PARD3B: variants seen among roughly 807,000 people sequenced by gnomAD.
PARD3B encodes the protein par-3 family cell polarity regulator beta, also known as partitioning defective 3 homolog B.
In PARD3B, 103 loss-of-function variants were observed where a neutral mutation model predicts 130.2. The observed-to-expected ratio is 0.79, with a 90% CI of 0.67 to 0.93. The LOEUF (loss-of-function observed/expected upper bound fraction) is 0.93. Ranked by LOEUF, PARD3B falls within the 40% of genes least tolerant of loss-of-function variation. PARD3B has a pLI of 0.00. For missense variants in PARD3B, 1,609 were observed against 1,499.2 expected, an observed-to-expected ratio of 1.07 and a Z score of -1.21; for synonymous variants, 583 against 553.2, an observed-to-expected ratio of 1.05 and a Z score of -0.76.
intron 22 of PARD3B, among the ~76,000 whole-genome samples, chr2:205,567,027 C>T (rs1032873186): frequency 2.6e-5 from 4 of 152,152 alleles, no homozygotes; most frequent in African/African-American, 9.7e-5. Context: ...TAAGAAGAAA[C>T]GGTGGAAACT....
intron 2 of PARD3B, among the ~76,000 whole-genome samples, chr2:204,796,992 T>C (rs1056588076): frequency 4.0e-4 from 60 of 151,888 alleles, no homozygotes; most frequent in African/African-American, 1.3e-3. Flanking sequence ...CTGGCCAATA[T>C]GGTGAAACCT....
intron 2 of PARD3B, among the ~76,000 whole-genome samples, chr2:204,908,200 G>A (rs1013452933): frequency 4.6e-5 from 7 of 152,028 alleles, no homozygotes; most frequent in African/African-American, 1.2e-4. Context: ...GATAATGAAG[G>A]AAATAGTAAG....
intron 4 of PARD3B, among the ~76,000 whole-genome samples, chr2:205,072,370 C>T (rs566628740): frequency 1.3e-5 from 2 of 152,084 alleles, no homozygotes; most frequent in Admixed American, 1.3e-4. Flanking sequence ...CCTGCCTCAG[C>T]CTCCCAAGTA....
chr2:205,331,613 C>G (rs2043132505), intron 18 of PARD3B, among the ~76,000 whole-genome samples: 1 of 151,622 alleles, frequency 6.6e-6, no homozygotes, highest in Admixed American at 6.6e-5. Flanking sequence ...AAAACCCCAT[C>G]TCTACTAAAA....
At chr2:204,699,787 A>G (rs2037803991) in intron 2 of PARD3B, among the ~76,000 whole-genome samples, 1 of 152,156 alleles carries the variant, frequency 6.6e-6, no homozygotes, top group Non-Finnish European at 1.5e-5. Context: ...CCAAATGGAA[A>G]TAAGGAAGTT....
rs750550877 is a variant in PARD3B at position 204,568,955 on chromosome 2, G to GA, written c.120+22851dup. 5.9e-3 allele frequency among the ~76,000 whole-genome samples: 729 copies of GA among 123,906 alleles called. 1 individual carries two copies. The highest frequency in any genetic ancestry group is 0.013 in the Middle Eastern group (3 of 226). The allele number at this position is 123,906 out of a possible 152,430, so 81.3% of individuals were successfully genotyped here. ...GGGTGACAGAGTGAGACTGTCTCAG[G>GA]AAAAAAAAAAAAAAATTGCAGGAAA... On this transcript the variant is annotated intron_variant, in intron 1 of 22. Transcript: ENST00000406610.
chr2:204,695,856 G>T (rs1421346240), intron 2 of PARD3B, among the ~76,000 whole-genome samples: 1 of 152,004 alleles, frequency 6.6e-6, no homozygotes, highest in Non-Finnish European at 1.5e-5. Flanking sequence ...GAGGTGTTCA[G>T]GAAAGAGTTA....
In PARD3B at chr2:204,610,208, G is replaced by T. The variant is rs1331980933; in HGVS notation, c.120+64089G>T. On this transcript the variant is annotated intron_variant, in intron 1 of 22. Transcript: ENST00000406610. The surrounding 1 kb of genome is among the most constrained non-coding windows in gnomAD (Gnocchi z 4.1). ...TTCTCTGGAGTCCCCTTGGCCATGAGGGACATCCATTCAGACAGTTGGGGG... is the reference window on the plus strand; with the variant it reads ...TTCTCTGGAGTCCCCTTGGCCATGATGGACATCCATTCAGACAGTTGGGGG... Among the ~76,000 whole-genome samples the T allele has an allele frequency of 6.6e-6, 1 of 152,080 alleles. No individual in the cohort carries two copies. Among genetic ancestry groups the T allele is most frequent in the Non-Finnish European group, 1.5e-5 (1 of 68,002 alleles).
chr2:204,924,564 G>C (rs1279706784), intron 2 of PARD3B, among the ~76,000 whole-genome samples: 1 of 152,058 alleles, frequency 6.6e-6, no homozygotes, highest in Non-Finnish European at 1.5e-5. Context: ...TCTTTTGCAA[G>C]ATTTGGCTCC....
Position 204,678,341 on chromosome 2 carries a change from A to G in PARD3B, c.121-7840A>G, listed in dbSNP as rs2036652972. Among the ~76,000 whole-genome samples, 1 of 152,180 alleles carries G rather than the reference A, an allele frequency of 6.6e-6. No homozygotes were observed. The highest frequency in any genetic ancestry group is 2.1e-4 in the South Asian group (1 of 4,834). ...AATGCCCTTTTGGTTGTTGCCTTCAACAGAGAGCTAAGCCTTAACCAGCTC... is the reference window on the plus strand; with the variant it reads ...AATGCCCTTTTGGTTGTTGCCTTCAGCAGAGAGCTAAGCCTTAACCAGCTC... On this transcript the variant is annotated intron_variant, in intron 1 of 22. Transcript: ENST00000406610. The surrounding 1 kb of genome is among the most constrained non-coding windows in gnomAD (Gnocchi z 4.2).
intron 19 of PARD3B, among the ~76,000 whole-genome samples, chr2:205,403,550 T>G (rs1366927591): frequency 2.6e-5 from 4 of 152,158 alleles, no homozygotes; most frequent in African/African-American, 9.7e-5. Context: ...CATGATTTCT[T>G]GTAGCTGAGT....
Position 205,454,896 on chromosome 2 carries a change from C to CTTT in PARD3B, c.3044+14224_3044+14225insTTT, listed in dbSNP as rs2106206965. 2.0e-5 allele frequency among the ~76,000 whole-genome samples: 3 copies of CTTT among 152,222 alleles called. No homozygotes were observed. In the East Asian group the frequency reaches 5.8e-4, roughly 29 times the overall value. ...GGGAAGGTTAGTCTTTAAAGTCAAA[C>CTTT]ACAAGATAAGAATAGCTCACAGTCA... is the stretch of plus-strand genomic sequence containing the variant. On this transcript the variant is annotated intron_variant, in intron 20 of 22. Coordinates refer to ENST00000406610, the MANE Select transcript of PARD3B (RefSeq NM_001302769.2).
intron 1 of PARD3B, 65 bp from the exon 2 acceptor site, chr2:204,686,116 C>T: frequency 9.0e-7 from 1 of 1,113,320 alleles, no homozygotes; most frequent in Non-Finnish European, 1.4e-6. Flanking sequence ...TGTCTCTTAA[C>T]ATTAAAATGT....
chr2:205,378,207 A>G (rs2045144834), intron 18 of PARD3B, among the ~76,000 whole-genome samples: 1 of 152,198 alleles, frequency 6.6e-6, no homozygotes, highest in Admixed American at 6.5e-5. Flanking sequence ...TCTCACAGTT[A>G]TAACAGACTT....
chr2:205,178,970 A>T (rs1234048772), intron 13 of PARD3B, among the ~76,000 whole-genome samples: 3 of 152,206 alleles, frequency 2.0e-5, no homozygotes, highest in African/African-American at 7.2e-5. Context: ...AGAAGAAGGC[A>T]TTGTTACCAT....
chr2:204,742,002 C>T (rs2040030100), intron 2 of PARD3B, among the ~76,000 whole-genome samples: 1 of 152,120 alleles, frequency 6.6e-6, no homozygotes, highest in African/African-American at 2.4e-5. Context: ...AATGCATGTT[C>T]TTACACTTCA....
At chr2:204,853,120 T>A (rs1372076618) in intron 2 of PARD3B, among the ~76,000 whole-genome samples, 1 of 152,184 alleles carries the variant, frequency 6.6e-6, no homozygotes, top group Non-Finnish European at 1.5e-5. Flanking sequence ...ACTATTTTTT[T>A]AATGATTATC....
Position 205,473,456 on chromosome 2 carries a change from C to G in PARD3B, c.3045-26440C>G, listed in dbSNP as rs1427261305. Among the ~76,000 whole-genome samples, 1 of 151,822 alleles carries G rather than the reference C, an allele frequency of 6.6e-6. No homozygotes were observed. Among genetic ancestry groups the G allele is most frequent in the South Asian group, 2.1e-4 (1 of 4,808 alleles). On this transcript the variant is annotated intron_variant, in intron 20 of 22. Transcript: ENST00000406610. The surrounding 1 kb of genome is among the most constrained non-coding windows in gnomAD (Gnocchi z 4.9). ...TAAATGTTAACTCTCTTATTAAGCT[C>G]CATTAAAGGGTTTTACAATACCAAA...
intron 16 of PARD3B, among the ~76,000 whole-genome samples, chr2:205,250,344 T>C (rs1051614263): frequency 2.0e-5 from 3 of 152,172 alleles, no homozygotes; most frequent in Non-Finnish European, 4.4e-5. Context: ...AGAAGGCCGA[T>C]GAGTTCTTCT....
Sources: gnomAD v4.1 joint callset for allele counts (sites outside exome capture counted in the v4.1 genomes callset) on GRCh38, gnomAD v4.1.1 for gene constraint, Gnocchi (gnomAD v3.1) non-coding constraint, MANE v1.5 for transcripts, NCBI Gene and HGNC (gene_info 2026-07-23, HGNC 2026-07-21) for gene names.